The following TAOK3 variants were observed in gnomAD, a reference collection of about 807,000 sequenced individuals.
The protein encoded by TAOK3 is TAO kinase 3, also known as serine/threonine-protein kinase TAO3.
TAOK3 carries 40 observed loss-of-function variants against 120.4 expected under a neutral mutation model. The observed-to-expected ratio is 0.33, with a 90% CI of 0.26 to 0.43. TAOK3 has a LOEUF of 0.43. TAOK3 is among the 20% of genes least tolerant of loss of function. TAOK3 has a pLI of 1.00. For synonymous variants in TAOK3, 355 were observed against 387.5 expected, an observed-to-expected ratio of 0.92 and a Z score of 0.99; for missense variants, 821 against 1,112.1, an observed-to-expected ratio of 0.74 and a Z score of 3.72.
intron 16 of TAOK3, among the ~76,000 whole-genome samples, chr12:118,172,950 T>C (rs2036098016): frequency 6.6e-6 from 1 of 152,176 alleles, no homozygotes; most frequent in African/African-American, 2.4e-5. Flanking sequence ...ACAGGCAGTG[T>C]GCAAGATACA....
chr12:118,358,799 A>C (rs1341584890), intron 1 of TAOK3: 1 of 152,228 alleles, frequency 6.6e-6, no homozygotes, highest in Non-Finnish European at 1.5e-5. Flanking sequence ...CTTTGAGCTA[A>C]GGCCATAAAT....
intron 1 of TAOK3, among the ~76,000 whole-genome samples, chr12:118,329,902 A>G (rs2044074750): frequency 6.6e-6 from 1 of 152,214 alleles, no homozygotes; most frequent in South Asian, 2.1e-4. Flanking sequence ...AACATAAGGT[A>G]GAGCATTGGT....
At chr12:118,186,995 C>T (rs1403822547) in intron 14 of TAOK3, among the ~76,000 whole-genome samples, 1 of 152,170 alleles carries the variant, frequency 6.6e-6, no homozygotes, top group East Asian at 1.9e-4. Flanking sequence ...GGGAAAAGCA[C>T]AAAGCCAGGC....
intron 14 of TAOK3, among the ~76,000 whole-genome samples, chr12:118,189,548 AC>A (rs1319304194): frequency 1.1e-3 from 49 of 43,038 alleles, no homozygotes; most frequent in African/African-American, 2.8e-3. Flanking sequence ...ACACACACAC[AC>A]ACACACACAC....
intron 20 of TAOK3, among the ~76,000 whole-genome samples, chr12:118,151,461 C>G (rs1161285637): frequency 1.3e-5 from 2 of 152,182 alleles, no homozygotes. Flanking sequence ...AGCCCAGCGG[C>G]TGGGCGGATC....
At chr12:118,177,063 G>A (rs570522449) in intron 16 of TAOK3, 138 bp downstream of exon 16, 122 of 919,874 alleles carry the variant, frequency 1.3e-4, no homozygotes, top group Admixed American at 5.1e-5. Context: ...CACTGTGCCC[G>A]GAAAGCATTT....
intron 1 of TAOK3, among the ~76,000 whole-genome samples, chr12:118,343,426 C>CAAAAA (rs368283127): frequency 1.3e-5 from 1 of 78,622 alleles, no homozygotes; most frequent in Non-Finnish European, 2.7e-5. Flanking sequence ...GTCCCTGTCT[C>CAAAAA]AAAAAAAAAA....
chr12:118,229,499 T>C (rs193260345), intron 9 of TAOK3, among the ~76,000 whole-genome samples: 1 of 152,306 alleles, frequency 6.6e-6, no homozygotes, highest in East Asian at 1.9e-4. Context: ...TCCTAGTCCA[T>C]AGCTTGTCTT....
At chr12:118,345,494 C>G (rs1321001563) in intron 1 of TAOK3, among the ~76,000 whole-genome samples, 1 of 152,012 alleles carries the variant, frequency 6.6e-6, no homozygotes, top group Non-Finnish European at 1.5e-5. Context: ...GCAGGAGCTC[C>G]TGTAGAGCAG....
chr12:118,198,968 A>G, intron 13 of TAOK3, 83 bp downstream of exon 13: 1 of 1,502,522 alleles, frequency 6.7e-7, no homozygotes, highest in Non-Finnish European at 9.3e-7. Context: ...AAGGTAACTG[A>G]AACATCTGGA....
At chr12:118,314,429 T>C (rs1487846590) in intron 1 of TAOK3, among the ~76,000 whole-genome samples, 2 of 152,088 alleles carry the variant, frequency 1.3e-5, no homozygotes, top group Admixed American at 6.6e-5. Flanking sequence ...TAAGATGGAG[T>C]GCATAAAAAT....
At chr12:118,273,906 C>A (rs1189565170) in intron 1 of TAOK3, among the ~76,000 whole-genome samples, 2 of 152,108 alleles carry the variant, frequency 1.3e-5, no homozygotes, top group Non-Finnish European at 2.9e-5. Flanking sequence ...TCACAGTAAA[C>A]CAGCCTTTGA....
chr12:118,209,548 A>C (rs1251910994), intron 11 of TAOK3, among the ~76,000 whole-genome samples: 1 of 151,822 alleles, frequency 6.6e-6, no homozygotes, highest in Admixed American at 6.6e-5. Context: ...ACAGGTGTGA[A>C]CCACCATGCC....
At chr12:118,214,578 CTTT>C (rs34183512) in intron 9 of TAOK3, among the ~76,000 whole-genome samples, 3 of 140,484 alleles carry the variant, frequency 2.1e-5, no homozygotes. Flanking sequence ...TAAAATGCAA[CTTT>C]TTTTTTTTTT....
intron 19 of TAOK3, among the ~76,000 whole-genome samples, chr12:118,154,285 C>T (rs1451285198): frequency 6.6e-6 from 1 of 152,186 alleles, no homozygotes. Flanking sequence ...AGAACATCTC[C>T]ATTTCCTTTT....
intron 11 of TAOK3, among the ~76,000 whole-genome samples, chr12:118,204,695 A>G (rs2038203764): frequency 6.6e-6 from 1 of 152,242 alleles, no homozygotes; most frequent in Non-Finnish European, 1.5e-5. Flanking sequence ...GCTATGACTT[A>G]ACATCATAGA....
chr12:118,187,212 A>T (rs781526911), intron 14 of TAOK3, among the ~76,000 whole-genome samples: 32 of 152,212 alleles, frequency 2.1e-4, no homozygotes, highest in Non-Finnish European at 4.1e-4. Context: ...ATGTTAAAGA[A>T]CGAGTAAAAC....
chr12:118,192,878 G>A (rs1240338202), intron 13 of TAOK3, among the ~76,000 whole-genome samples: 1 of 152,122 alleles, frequency 6.6e-6, no homozygotes, highest in African/African-American at 2.4e-5. Context: ...TTCAAAGAAG[G>A]ATTTTAGAAG....
At chr12:118,182,863 G>A (rs1285302808) in intron 14 of TAOK3, among the ~76,000 whole-genome samples, 1 of 151,828 alleles carries the variant, frequency 6.6e-6, no homozygotes, top group Non-Finnish European at 1.5e-5. Context: ...ACTTTTCTTA[G>A]TAACTTTTCC....
Sources: allele counts gnomAD v4.1 joint callset (sites outside exome capture counted in the v4.1 genomes callset), GRCh38; gene constraint gnomAD v4.1.1; transcripts MANE v1.5; gene names NCBI Gene and HGNC (gene_info 2026-07-23, HGNC 2026-07-21).